The following CTNNB1 variants were observed in gnomAD, a reference collection of about 807,000 sequenced individuals.
The protein encoded by CTNNB1 is catenin beta 1.
In CTNNB1, 6 loss-of-function variants were observed where a neutral mutation model predicts 82.5. The observed-to-expected ratio is 0.07, with a 90% confidence interval of 0.04 to 0.14. The LOEUF is 0.14. Ranked by LOEUF, CTNNB1 falls within the 10% of genes least tolerant of loss-of-function variation. The pLI is 1.00. For missense variants in CTNNB1, 529 were observed against 980.4 expected (o/e 0.54, Z 6.15); for synonymous variants, 312 against 329.7 (o/e 0.95, Z 0.58).
rs1013482649 is a variant in CTNNB1, at chr3:41,240,030, GTC to G, written c.*693_*694del. The G allele has an allele frequency of 7.6e-4, 48 of 63,422 alleles. No homozygotes were observed. The highest frequency in any genetic ancestry group is 1.4e-3 in the South Asian group (2 of 1,480). The allele number at this position is 63,422 out of a possible 1,614,324, so 3.9% of individuals were successfully genotyped here. A position where few individuals can be genotyped will look rare whatever the true frequency, so the allele number is the denominator to read the frequency against. On this transcript the variant is annotated 3_prime_UTR_variant, in exon 15 of 15. Transcript: ENST00000349496. ...TTTTTTTGCAGTAACTGTTTTTTAA[GTC>G]TCTCGTAGTGTTAAGTTATAGTGAA...
intron 7 of CTNNB1, among the ~76,000 whole-genome samples, chr3:41,232,905 T>G (rs1242802227): frequency 6.6e-6 from 1 of 152,176 alleles, no homozygotes; most frequent in Non-Finnish European, 1.5e-5. Context: ...GGTTTTAGTT[T>G]ATTGTATATT....
At chr3:41,223,809 AAGG>A (rs2078108301) in intron 1 of CTNNB1, among the ~76,000 whole-genome samples, 1 of 152,104 alleles carries the variant, frequency 6.6e-6, no homozygotes, top group African/African-American at 2.4e-5. Context: ...CATTTTTGGT[AAGG>A]AGGAGTTTTC....
At chr3:41,236,535 G>T (rs2125646534) in intron 12 of CTNNB1, 36 bp downstream of exon 12, 1 of 1,614,180 alleles carries the variant, frequency 6.2e-7, no homozygotes, top group Non-Finnish European at 8.5e-7. Flanking sequence ...TAGCAGATGT[G>T]TACATTGAAG....
At chr3:41,232,059 A>G (rs1290600091) in intron 7 of CTNNB1, among the ~76,000 whole-genome samples, 1 of 152,122 alleles carries the variant, frequency 6.6e-6, no homozygotes, top group Non-Finnish European at 1.5e-5. Context: ...GAGATTTGGA[A>G]GTTTCCCTCT....
At chr3:41,218,495 G>T (rs2077964955) in intron 1 of CTNNB1, among the ~76,000 whole-genome samples, 1 of 152,142 alleles carries the variant, frequency 6.6e-6, no homozygotes, top group African/African-American at 2.4e-5. Context: ...TTGTGTATAG[G>T]AAAATAGTTT....
At position 41,227,373 on chromosome 3, in the gene CTNNB1, T is replaced by TA. The variant is rs1487145476; in HGVS notation, c.1081+21_1081+22insA. ...AGCTGGTAAGTATATGTATCTATTC[T>TA]GAGTCTTGTGTATAGCATCTGCAGT... On this transcript the variant is annotated intron_variant, in intron 7 of 14. Transcript: ENST00000349496. 3 of 1,612,910 alleles carry TA rather than the reference T, an allele frequency of 1.9e-6. No homozygotes were observed. In the African/African-American group the frequency reaches 4.0e-5, roughly 22 times the overall value.
chr3:41,208,109 A>T (rs1325895739), intron 1 of CTNNB1, among the ~76,000 whole-genome samples: 1 of 152,226 alleles, frequency 6.6e-6, no homozygotes, highest in East Asian at 1.9e-4. Flanking sequence ...TATTTCTGTC[A>T]TAATTCTTGG....
Position 41,235,728 on chromosome 3 carries a change from G to C in CTNNB1, c.1688G>C (p.Gly563Ala). 6.2e-7 allele frequency: 1 copy of C among 1,614,114 alleles called. No homozygotes were observed. Among genetic ancestry groups the C allele is most frequent in the Non-Finnish European group, 8.5e-7 (1 of 1,180,006 alleles). ...TAACCATGTTTCTTTTGGCAGGAGG[G>C]GGTCCGCATGGAAGAAATAGTTGAA... ...MGGTQQQFVE[G>A]VRMEEIVEGC... Residue 563 changes from glycine (G) to alanine (A), a missense_variant, in exon 11 of 15, where the codon GGG (glycine) becomes GCG (alanine). Gly to Ala is a moderately conservative substitution (Grantham distance 60, BLOSUM62 0). Around this residue, in one of 4 missense-constraint regions of CTNNB1, gnomAD observed 411 missense variants for 776.4 expected, o/e 0.53. Coordinates refer to ENST00000349496, the MANE Select transcript of CTNNB1 (RefSeq NM_001904.4).
chr3:41,224,228 G>A (rs1034968353), intron 2 of CTNNB1, 147 bp downstream of exon 2: 5 of 1,009,760 alleles, frequency 5.0e-6, no homozygotes, highest in Non-Finnish European at 6.3e-6. Flanking sequence ...TCCTCCTAAT[G>A]GCTTGGTGAA....
intron 2 of CTNNB1, 104 bp downstream of exon 2, chr3:41,224,185 G>C (rs1334410432): frequency 7.3e-7 from 1 of 1,373,524 alleles, no homozygotes; most frequent in African/African-American, 1.4e-5. Flanking sequence ...CTGCTTACTT[G>C]TCAGGCTACC....
rs370502867 is a variant in CTNNB1 at position 41,235,697 on chromosome 3, G to C, written c.1684-27G>C. On this transcript the variant is annotated intron_variant, in intron 10 of 14. Transcript: ENST00000349496. Reference sequence around the variant, plus strand: ...CAAACTTTACAGAGGAGAATGCCCTGTTTGTTAACCATGTTTCTTTTGGCA... The same window carrying C: ...CAAACTTTACAGAGGAGAATGCCCTCTTTGTTAACCATGTTTCTTTTGGCA... 66 of 1,613,950 alleles carry C rather than the reference G, an allele frequency of 4.1e-5. No homozygotes were observed. In the African/African-American group the frequency reaches 8.7e-4, roughly 21 times the overall value.
intron 1 of CTNNB1, among the ~76,000 whole-genome samples, chr3:41,222,514 T>C (rs2125613161): frequency 6.6e-6 from 1 of 152,364 alleles, no homozygotes; most frequent in East Asian, 1.9e-4. Flanking sequence ...AAAATATATA[T>C]GTAATGTTGG....
Position 41,239,915 on chromosome 3 carries a change from TGTTA to T in CTNNB1, c.*574_*577del, listed in dbSNP as rs1178593801. 6 of 205,896 alleles carry T rather than the reference TGTTA, an allele frequency of 2.9e-5. No homozygotes were observed. Among genetic ancestry groups the T allele is most frequent in the Non-Finnish European group, 5.8e-5 (6 of 103,900 alleles). 12.8% of individuals were successfully genotyped at this position (205,896 alleles called of 1,614,324 possible). On this transcript the variant is annotated 3_prime_UTR_variant, in exon 15 of 15. Coordinates refer to ENST00000349496, the MANE Select transcript of CTNNB1 (RefSeq NM_001904.4). Reference sequence around the variant, plus strand: ...GAATTTATCAAACCCTAGCCTTGCTTGTTAAATTTTTTTTTTTTTTTTTTTAAGA... The same window carrying T: ...GAATTTATCAAACCCTAGCCTTGCTTAATTTTTTTTTTTTTTTTTTTAAGA...
At chr3:41,228,854 T>G (rs1339022216) in intron 7 of CTNNB1, among the ~76,000 whole-genome samples, 1 of 152,214 alleles carries the variant, frequency 6.6e-6, no homozygotes, top group Non-Finnish European at 1.5e-5. Context: ...TTTTACAGTT[T>G]TAAGTTTTAT....
At chr3:41,214,707 T>C (rs1172456748) in intron 1 of CTNNB1, among the ~76,000 whole-genome samples, 1 of 152,126 alleles carries the variant, frequency 6.6e-6, no homozygotes, top group Non-Finnish European at 1.5e-5. Flanking sequence ...AATAAATAAA[T>C]GAGGGGTTGG....
intron 1 of CTNNB1, chr3:41,220,401 C>T (rs1402382304): frequency 6.8e-6 from 1 of 146,062 alleles, no homozygotes; most frequent in African/African-American, 2.5e-5. Context: ...CACACCCACA[C>T]CCTCACCCAC....
intron 13 of CTNNB1, chr3:41,237,759 C>T (rs1042843681): frequency 2.2e-5 from 10 of 444,746 alleles, no homozygotes; most frequent in Admixed American, 7.3e-5. Context: ...TGCCTGGCAG[C>T]ACATAATAGG....
At chr3:41,215,982 T>G (rs1048303466) in intron 1 of CTNNB1, among the ~76,000 whole-genome samples, 2 of 152,202 alleles carry the variant, frequency 1.3e-5, no homozygotes, top group Non-Finnish European at 2.9e-5. Context: ...CTTTCATTTA[T>G]CTGCAACACT....
rs2125624630 is a variant in CTNNB1, at chr3:41,225,805, T to C, written c.880T>C (p.Leu294=). The change falls in exon 6 of 15, where the codon TTG becomes CTG. Residue 294 remains leucine (L), a synonymous_variant. Coordinates refer to ENST00000349496, the MANE Select transcript of CTNNB1 (RefSeq NM_001904.4). This position sits in a 1 kb window ranked among gnomAD's most constrained non-coding sequence, Gnocchi z 5.3. ...GCTCAACAAAACAAATGTTAAATTCTTGGCTATTACGACAGACTGCCTTCA... is the reference window on the plus strand; with the variant it reads ...GCTCAACAAAACAAATGTTAAATTCCTGGCTATTACGACAGACTGCCTTCA... The part of the protein sequence containing the change: ...ALLNKTNVKF[L]AITTDCLQIL... 1 of 1,614,082 alleles carries C rather than the reference T, an allele frequency of 6.2e-7. No homozygotes were observed. The highest frequency in any genetic ancestry group is 8.5e-7 in the Non-Finnish European group (1 of 1,179,984).
Sources: gnomAD v4.1 joint callset for allele counts (sites outside exome capture counted in the v4.1 genomes callset) on GRCh38, gnomAD v4.1.1 for gene constraint, gnomAD v4.1.1 regional missense constraint, Gnocchi (gnomAD v3.1) non-coding constraint, MANE v1.5 for transcripts, NCBI Gene and HGNC (gene_info 2026-07-23, HGNC 2026-07-21) for gene names.